ERC1: variants seen among roughly 807,000 people sequenced by gnomAD.
ERC1 encodes the protein RAB6 interacting protein 2.
Under a neutral mutation model 132.0 loss-of-function variants are expected in ERC1, and 56 were observed. The observed-to-expected ratio is 0.42, with a 90% confidence interval of 0.34 to 0.53. The LOEUF is 0.53. ERC1 is among the 20% of genes least tolerant of loss of function. The pLI is 0.03. For missense variants in ERC1, 1,202 were observed against 1,349.9 expected (o/e 0.89, Z 1.72); for synonymous variants, 478 against 476.1 (o/e 1.00, Z -0.05).
intron 2 of ERC1, among the ~76,000 whole-genome samples, chr12:1,045,705 G>A (rs1970974555): frequency 6.6e-6 from 1 of 152,066 alleles, no homozygotes; most frequent in African/African-American, 2.4e-5. Context: ...TTTGACTAAG[G>A]ACAAATGAAT....
Position 1,004,162 on chromosome 12 carries a change from T to C in ERC1, c.-157+12840T>C, listed in dbSNP as rs988754690. On this transcript the variant is annotated intron_variant, in intron 1 of 18. Coordinates refer to ENST00000360905, the MANE Select transcript of ERC1 (RefSeq NM_178040.4). The stretch of plus-strand genomic sequence containing the variant: ...TAAGCTGCAGGTCACCAGAACACCA[T>C]GGTGGAACTGTTTCCCTACAGATGT... Among the ~76,000 whole-genome samples the C allele has an allele frequency of 2.0e-5, 3 of 152,252 alleles. No individual in the cohort carries two copies. In the East Asian group the frequency reaches 5.8e-4, roughly 29 times the overall value.
intron 1 of ERC1, among the ~76,000 whole-genome samples, chr12:1,002,497 CT>C (rs1291504129): frequency 1.3e-5 from 2 of 151,934 alleles, no homozygotes; most frequent in African/African-American, 4.8e-5. Context: ...TTGTGCAAGT[CT>C]TTTAGTGCAT....
intron 1 of ERC1, among the ~76,000 whole-genome samples, chr12:1,007,540 C>CTCTCTGTGTGTG (rs1555194875): frequency 0.031 from 3,836 of 122,628 alleles, 92 homozygotes; most frequent in Middle Eastern, 0.083. Context: ...CTCTCTCTCT[C>CTCTCTGTGTGTG]TGTGTGTGTG....
At chr12:1,317,057 A>T (rs2081791535) in intron 15 of ERC1, among the ~76,000 whole-genome samples, 1 of 151,772 alleles carries the variant, frequency 6.6e-6, no homozygotes, top group Non-Finnish European at 1.5e-5. Flanking sequence ...GCTACTCAGG[A>T]GGCTGAGACA....
At chr12:1,002,638 A>G (rs1222124726) in intron 1 of ERC1, among the ~76,000 whole-genome samples, 2 of 152,180 alleles carry the variant, frequency 1.3e-5, no homozygotes, top group Non-Finnish European at 2.9e-5. Context: ...TACATGCCCC[A>G]AAGAGTGTTT....
intron 8 of ERC1, among the ~76,000 whole-genome samples, chr12:1,173,753 G>A (rs1953349091): frequency 6.6e-6 from 1 of 152,190 alleles, no homozygotes; most frequent in Non-Finnish European, 1.5e-5. Context: ...ATAATGACAA[G>A]AATAATGTGG....
At chr12:1,031,550 C>T (rs1199773773) in intron 2 of ERC1, among the ~76,000 whole-genome samples, 2 of 152,140 alleles carry the variant, frequency 1.3e-5, no homozygotes, top group Non-Finnish European at 2.9e-5. Flanking sequence ...AATCAGATTT[C>T]TAAGTAATTA....
At chr12:1,172,605 TA>T (rs1566142063) in intron 8 of ERC1, among the ~76,000 whole-genome samples, 1 of 152,162 alleles carries the variant, frequency 6.6e-6, no homozygotes, top group Non-Finnish European at 1.5e-5. Context: ...ATGTGTAGAA[TA>T]AATGCCAGTT....
At chr12:1,139,061 A>T (rs1566062476) in intron 7 of ERC1, among the ~76,000 whole-genome samples, 1 of 152,220 alleles carries the variant, frequency 6.6e-6, no homozygotes, top group Admixed American at 6.5e-5. Flanking sequence ...TTTAATGTAT[A>T]TACAGTAGTC....
At chr12:1,347,137 T>C (rs2084553559) in intron 15 of ERC1, among the ~76,000 whole-genome samples, 2 of 152,204 alleles carry the variant, frequency 1.3e-5, no homozygotes, top group Admixed American at 1.3e-4. Context: ...TGGACCTTCG[T>C]TGAAATGCAT....
rs532665408 is a variant in ERC1 at position 1,487,262 on chromosome 12, A to G, written c.3214-2831A>G. On this transcript the variant is annotated intron_variant, in intron 18 of 18. Transcript: ENST00000360905. ...TAGCAGAAGGAAGATTGCTAGGTCT[A>G]TTCTTAACTCTTTGATATATTTAAG... 5.3e-5 allele frequency among the ~76,000 whole-genome samples: 8 copies of G among 151,442 alleles called. 1 individual carries two copies. In the South Asian group the frequency reaches 1.3e-3, roughly 24 times the overall value.
intron 11 of ERC1, among the ~76,000 whole-genome samples, chr12:1,189,487 A>G (rs184377381): frequency 6.6e-6 from 1 of 152,308 alleles, no homozygotes; most frequent in East Asian, 1.9e-4. Context: ...CGGCTATACG[A>G]TCAGCAGTGA....
At chr12:1,424,098 G>T (rs2092528557) in intron 17 of ERC1, among the ~76,000 whole-genome samples, 1 of 152,036 alleles carries the variant, frequency 6.6e-6, no homozygotes, top group Admixed American at 6.6e-5. Context: ...GTGTGGATGA[G>T]ATGCTGTGGA....
chr12:1,127,473 G>C (rs560000813), intron 7 of ERC1, among the ~76,000 whole-genome samples: 1 of 152,090 alleles, frequency 6.6e-6, no homozygotes. Context: ...TGATGCAGAA[G>C]CAGGGATAGA....
intron 17 of ERC1, among the ~76,000 whole-genome samples, chr12:1,417,696 A>G (rs531599515): frequency 8.6e-5 from 13 of 150,890 alleles, no homozygotes; most frequent in Non-Finnish European, 1.5e-4. Flanking sequence ...CAGGAGAATC[A>G]CTTTAACGCA....
rs1247364015 is a variant in ERC1 at position 1,122,610 on chromosome 12, T to G, written c.1569+6577T>G. On this transcript the variant is annotated intron_variant, in intron 7 of 18. Transcript: ENST00000360905. ...CTCTATCTCTATCTGTGTCTCTATC[T>G]CTATCTCTATCTGTGTCTCTATCTC... Among the ~76,000 whole-genome samples the G allele has an allele frequency of 1.7e-4, 26 of 149,820 alleles. 3 individuals are homozygous for G. The highest frequency in any genetic ancestry group is 2.1e-4 in the South Asian group (1 of 4,770).
chr12:1,040,490 T>C (rs1005136253), intron 2 of ERC1, among the ~76,000 whole-genome samples: 4 of 151,978 alleles, frequency 2.6e-5, no homozygotes, highest in Admixed American at 2.0e-4. Context: ...GTATTTTTAG[T>C]GGAGACGGGA....
chr12:1,358,742 C>T (rs574772743), intron 15 of ERC1, among the ~76,000 whole-genome samples: 2 of 152,324 alleles, frequency 1.3e-5, no homozygotes, highest in Admixed American at 6.5e-5. Flanking sequence ...AGCTGCTTCC[C>T]GCTCATAGAC....
At chr12:1,320,511 ACTT>A (rs1183839562) in intron 15 of ERC1, among the ~76,000 whole-genome samples, 1 of 152,210 alleles carries the variant, frequency 6.6e-6, no homozygotes, top group African/African-American at 2.4e-5. Flanking sequence ...CATTTAAGTT[ACTT>A]CTAACAGTTT....
Sources: gnomAD v4.1 joint callset for allele counts (sites outside exome capture counted in the v4.1 genomes callset) on GRCh38, gnomAD v4.1.1 for gene constraint, MANE v1.5 for transcripts, NCBI Gene and HGNC (gene_info 2026-07-23, HGNC 2026-07-21) for gene names.